Variants in TRAF6 observed in about 807,000 individuals in gnomAD.
TRAF6 encodes the protein TNF receptor associated factor 6.
A neutral mutation model predicts 48.4 loss-of-function variants in TRAF6; 10 were observed. The ratio of observed to expected loss-of-function variants is 0.21; its 90% CI spans 0.13 to 0.35. The LOEUF (loss-of-function observed/expected upper bound fraction) is 0.35. Ranked by LOEUF, TRAF6 falls within the 10% of genes least tolerant of loss-of-function variation. The pLI is 1.00. For missense variants in TRAF6, 397 were observed against 661.0 expected, an observed-to-expected ratio of 0.60 and a Z score of 4.38; for synonymous variants, 186 against 219.6, an observed-to-expected ratio of 0.85 and a Z score of 1.35.
intron 4 of TRAF6, among the ~76,000 whole-genome samples, chr11:36,496,822 G>A (rs1189798494): frequency 2.0e-5 from 3 of 152,144 alleles, no homozygotes; most frequent in Non-Finnish European, 4.4e-5. Flanking sequence ...ACACAGGAAA[G>A]CTGATCGGCA....
chr11:36,495,086 T>C, intron 4 of TRAF6, 39 bp from the exon 5 acceptor site: 1 of 1,474,294 alleles, frequency 6.8e-7, no homozygotes, highest in East Asian at 2.3e-5. Flanking sequence ...AGCATGAGAA[T>C]ATCTGAAAAA....
rs1859715084 is a variant in TRAF6 at position 36,501,464 on chromosome 11, C to G, written c.52G>C (p.Asp18His). ...NSCGSSQSES[D>H]CCVAMASSCS... is the part of the protein sequence containing the mutation. ...GAGCTGGCCATGGCCACACAGCAGT[C>G]ACTTTCAGACTGGCTGGATCCACAG... Residue 18 changes from aspartate to histidine, a missense_variant, in exon 2 of 7, where the codon GAC becomes CAC. Physicochemically the swap from Asp to His is moderately conservative, Grantham distance 81. Transcript: ENST00000526995. The G allele has an allele frequency of 6.2e-7, 1 of 1,613,552 alleles. No individual in the cohort carries two copies. The highest frequency in any genetic ancestry group is 1.3e-5 in the African/African-American group (1 of 74,920).
Position 36,500,164 on chromosome 11 carries a change from G to T in TRAF6, c.296+1056C>A, listed in dbSNP as rs1462007531. Among the ~76,000 whole-genome samples, 6 of 152,230 alleles carry T rather than the reference G, an allele frequency of 3.9e-5. No individual in the cohort carries two copies. In the East Asian group the frequency reaches 1.2e-3, roughly 29 times the overall value. ...CAGACAATAAACACATAAATTATTT[G>T]GTGCTTTAGAAGGCAGAAAGTGCTA... On this transcript the variant is annotated intron_variant, in intron 2 of 6. Coordinates refer to ENST00000526995, the MANE Select transcript of TRAF6 (RefSeq NM_004620.4).
intron 1 of TRAF6, among the ~76,000 whole-genome samples, chr11:36,502,003 T>C (rs562046013): frequency 4.6e-5 from 7 of 152,340 alleles, no homozygotes; most frequent in African/African-American, 1.4e-4. Flanking sequence ...AAAGAACTTA[T>C]CCATGTTGTT....
rs1303799747 is a variant in TRAF6, at chr11:36,485,263, A to G, written c.*4575T>C. 6.6e-6 allele frequency among the ~76,000 whole-genome samples: 1 copy of G among 152,182 alleles called. No homozygotes were observed. Among genetic ancestry groups the G allele is most frequent in the Non-Finnish European group, 1.5e-5 (1 of 68,042 alleles). On this transcript the variant is annotated 3_prime_UTR_variant, in exon 7 of 7. Coordinates refer to ENST00000526995, the MANE Select transcript of TRAF6 (RefSeq NM_004620.4). ...CCATCTAAAATTTACATGACAAGGT[A>G]CCAGAAATTGGTCAGCTTCAACTGC...
chr11:36,495,565 C>T (rs1859619199), intron 4 of TRAF6, among the ~76,000 whole-genome samples: 1 of 152,056 alleles, frequency 6.6e-6, no homozygotes, highest in Admixed American at 6.6e-5. Context: ...AATTAGCCTT[C>T]CAGGTTAAGT....
intron 1 of TRAF6, among the ~76,000 whole-genome samples, chr11:36,505,626 T>C (rs1035105050): frequency 6.6e-6 from 1 of 152,196 alleles, no homozygotes; most frequent in African/African-American, 2.4e-5. Context: ...GAGTACCACT[T>C]TTAATTTCCT....
chr11:36,508,776 G>A (rs920849088), intron 1 of TRAF6, among the ~76,000 whole-genome samples: 17 of 152,152 alleles, frequency 1.1e-4, no homozygotes, highest in African/African-American at 3.1e-4. Flanking sequence ...CAACTGTTGT[G>A]CCTTAACTTT....
At position 36,488,940 on chromosome 11, in the gene TRAF6, T is replaced by C. The variant is rs1295633439; in HGVS notation, c.*898A>G. On this transcript the variant is annotated 3_prime_UTR_variant, in exon 7 of 7. Coordinates refer to ENST00000526995, the MANE Select transcript of TRAF6 (RefSeq NM_004620.4). Reference sequence around the variant, plus strand: ...TGAGATGCCACATGCGCTGACTACTTGGGTCACTTTTAATTTTTATGTTGC... The same window carrying C: ...TGAGATGCCACATGCGCTGACTACTCGGGTCACTTTTAATTTTTATGTTGC... 2.0e-5 allele frequency: 3 copies of C among 152,340 alleles called. No individual in the cohort carries two copies. Among genetic ancestry groups the C allele is most frequent in the East Asian group, 3.9e-4 (2 of 5,192 alleles). 9.4% of individuals were successfully genotyped at this position (152,340 alleles called of 1,614,324 possible). A position where few individuals can be genotyped will look rare whatever the true frequency, so the allele number is the denominator to read the frequency against.
intron 1 of TRAF6, among the ~76,000 whole-genome samples, chr11:36,503,412 A>G (rs1001529286): frequency 4.0e-5 from 6 of 151,680 alleles, no homozygotes; most frequent in African/African-American, 7.3e-5. Context: ...AGCCTCCCCA[A>G]TAGCTGGGAT....
chr11:36,490,748 C>G lies in TRAF6; in HGVS notation c.757-98G>C. 1 of 1,032,372 alleles carries G rather than the reference C, an allele frequency of 9.7e-7. No homozygotes were observed. Among genetic ancestry groups the G allele is most frequent in the Admixed American group, 2.6e-5 (1 of 38,648 alleles). 64.0% of individuals were successfully genotyped at this position (1,032,372 alleles called of 1,614,324 possible). On this transcript the variant is annotated intron_variant, in intron 6 of 6. Coordinates refer to ENST00000526995, the MANE Select transcript of TRAF6 (RefSeq NM_004620.4). The surrounding 1 kb of genome is among the most constrained non-coding windows in gnomAD (Gnocchi z 6.4). ...AATAAGAAGTTTTCAAGTAGTCACA[C>G]CACTTCCCTCAATTCTCTACAATTT...
intron 1 of TRAF6, among the ~76,000 whole-genome samples, chr11:36,503,121 C>A (rs1483650396): frequency 6.6e-6 from 1 of 152,124 alleles, no homozygotes; most frequent in Non-Finnish European, 1.5e-5. Flanking sequence ...CTACTTTTAT[C>A]CATGTTTTGA....
At chr11:36,508,559 T>C (rs757820159) in intron 1 of TRAF6, among the ~76,000 whole-genome samples, 13 of 152,164 alleles carry the variant, frequency 8.5e-5, no homozygotes, top group Middle Eastern at 6.3e-3. Context: ...ACAAGTTATG[T>C]CTTAAATGAG....
intron 1 of TRAF6, among the ~76,000 whole-genome samples, chr11:36,509,636 G>A (rs1859873303): frequency 6.6e-6 from 1 of 152,174 alleles, no homozygotes; most frequent in African/African-American, 2.4e-5. Context: ...AGGGGAGCGA[G>A]GTTGAGTAAG....
At chr11:36,507,047 A>T (rs1859794981) in intron 1 of TRAF6, among the ~76,000 whole-genome samples, 1 of 151,334 alleles carries the variant, frequency 6.6e-6, no homozygotes, top group Non-Finnish European at 1.5e-5. Context: ...ACACTAAGAG[A>T]AGAACAAAAA....
chr11:36,502,494 T>C (rs978904995), intron 1 of TRAF6, among the ~76,000 whole-genome samples: 159 of 152,220 alleles, frequency 1.0e-3, no homozygotes, highest in Non-Finnish European at 1.9e-4. Flanking sequence ...ATTTCTAGTA[T>C]GTGTCAGATA....
intron 3 of TRAF6, among the ~76,000 whole-genome samples, 189 bp downstream of exon 3, chr11:36,498,301 C>G (rs563947744): frequency 2.0e-4 from 31 of 152,282 alleles, no homozygotes; most frequent in African/African-American, 6.7e-4. Flanking sequence ...GTAGATAAAA[C>G]AGTATATTTC....
At chr11:36,495,454 T>A (rs1029325118) in intron 4 of TRAF6, among the ~76,000 whole-genome samples, 4 of 152,300 alleles carry the variant, frequency 2.6e-5, no homozygotes, top group Admixed American at 1.3e-4. Flanking sequence ...AACAAATCTT[T>A]TATTAGGACA....
At position 36,489,488 on chromosome 11, in the gene TRAF6, T is replaced by C. The variant is rs2133663482; in HGVS notation, c.*350A>G. 1 of 216,682 alleles carries C rather than the reference T, an allele frequency of 4.6e-6. No individual in the cohort carries two copies. The allele number at this position is 216,682 out of a possible 1,614,324, so 13.4% of individuals were successfully genotyped here. ...AAGTTTTAAGGAAAATCCATTATTA[T>C]TAAAAGTTTAGTACTCTTGAGTCTG... On this transcript the variant is annotated 3_prime_UTR_variant, in exon 7 of 7. Coordinates refer to ENST00000526995, the MANE Select transcript of TRAF6 (RefSeq NM_004620.4).
Sources: allele counts gnomAD v4.1 joint callset (sites outside exome capture counted in the v4.1 genomes callset), GRCh38; gene constraint gnomAD v4.1.1; non-coding constraint Gnocchi (gnomAD v3.1); transcripts MANE v1.5; gene names NCBI Gene and HGNC (gene_info 2026-07-23, HGNC 2026-07-21).